Variants in SYN2 observed in about 807,000 individuals in gnomAD.
SYN2 encodes the protein synapsin-2.
Under a neutral mutation model 50.9 loss-of-function variants are expected in SYN2, and 19 were observed. The ratio of observed to expected loss-of-function variants is 0.37; its 90% CI spans 0.26 to 0.55. SYN2 has a LOEUF of 0.55. Among genes scored for constraint, SYN2 ranks in the 20% least tolerant of loss-of-function variants. The pLI, the probability that SYN2 is intolerant of heterozygous loss-of-function variation, is 0.81. For synonymous variants in SYN2, 255 were observed against 224.9 expected (o/e 1.13, Z -1.20); for missense variants, 587 against 576.4 (o/e 1.02, Z -0.19).
intron 7 of SYN2, among the ~76,000 whole-genome samples, chr3:12,163,701 C>T (rs890621054): frequency 6.6e-6 from 1 of 152,096 alleles, no homozygotes; most frequent in Non-Finnish European, 1.5e-5. Flanking sequence ...CCTTTATTGT[C>T]TAGATTTGTA....
intron 1 of SYN2, among the ~76,000 whole-genome samples, chr3:12,119,015 C>T (rs558534094): frequency 6.6e-6 from 1 of 152,174 alleles, no homozygotes; most frequent in Non-Finnish European, 1.5e-5. Context: ...TCTCACATCT[C>T]ATTTGCACTT....
At chr3:12,058,628 G>A (rs975243374) in intron 1 of SYN2, among the ~76,000 whole-genome samples, 1 of 152,220 alleles carries the variant, frequency 6.6e-6, no homozygotes, top group Non-Finnish European at 1.5e-5. Context: ...AATCACTGGG[G>A]AAGGGGAATA....
At chr3:12,154,228 T>C in intron 5 of SYN2, 2 of 1,544,134 alleles carry the variant, frequency 1.3e-6, no homozygotes, top group Middle Eastern at 1.7e-4. Context: ...ACAGTGCAGA[T>C]CTCAAGTATA....
At chr3:12,158,595 A>G in intron 5 of SYN2, 3 of 1,499,364 alleles carry the variant, frequency 2.0e-6, no homozygotes, top group Non-Finnish European at 2.7e-6. Flanking sequence ...ACAACCGGTA[A>G]GAATTTGAGC....
intron 1 of SYN2, among the ~76,000 whole-genome samples, chr3:12,050,074 T>C (rs532012849): frequency 6.6e-6 from 1 of 152,136 alleles, no homozygotes; most frequent in Non-Finnish European, 1.5e-5. Context: ...TAATTTTTTG[T>C]ATTTTTAGTA....
intron 7 of SYN2, among the ~76,000 whole-genome samples, chr3:12,165,943 A>G (rs1697777709): frequency 6.6e-6 from 1 of 152,194 alleles, no homozygotes; most frequent in Non-Finnish European, 1.5e-5. Flanking sequence ...GACTAGATAT[A>G]TAATCTCGGA....
At chr3:12,119,312 A>G (rs1696502007) in intron 1 of SYN2, among the ~76,000 whole-genome samples, 1 of 151,710 alleles carries the variant, frequency 6.6e-6, no homozygotes, top group Admixed American at 6.6e-5. Context: ...GTGAACATTC[A>G]GCTCTTTTGA....
intron 4 of SYN2, among the ~76,000 whole-genome samples, chr3:12,146,065 C>T (rs766751259): frequency 3.3e-5 from 5 of 152,234 alleles, no homozygotes; most frequent in Non-Finnish European, 7.3e-5. Context: ...CACAGCATCA[C>T]CTGTCACAGG....
At chr3:12,071,264 G>C in intron 1 of SYN2, 1 of 556,268 alleles carries the variant, frequency 1.8e-6, no homozygotes, top group Admixed American at 1.9e-5. Context: ...TGGATCTGCA[G>C]CTCCATCCTG....
At chr3:12,135,917 A>T (rs923860948) in intron 1 of SYN2, among the ~76,000 whole-genome samples, 7 of 152,246 alleles carry the variant, frequency 4.6e-5, no homozygotes, top group Non-Finnish European at 8.8e-5. Flanking sequence ...AGAGCATATA[A>T]TCAAACAATA....
chr3:12,050,664 G>A lies in SYN2; in HGVS notation c.377+45736G>A, dbSNP rs576426885. The stretch of plus-strand genomic sequence containing the variant: ...TAGCCTGGAGTGATTTTTTAGGTTT[G>A]TAGACTTGTAAAGATCTTTGGAATA... On this transcript the variant is annotated intron_variant, in intron 1 of 12. Coordinates refer to ENST00000621198, the MANE Select transcript of SYN2 (RefSeq NM_133625.6). 1.8e-4 allele frequency among the ~76,000 whole-genome samples: 20 copies of A among 112,906 alleles called. No homozygotes were observed. The South Asian group carries it at 6.9e-3, about 39-fold the overall frequency. 74.1% of individuals were successfully genotyped at this position (112,906 alleles called of 152,430 possible).
At chr3:12,056,894 T>C (rs1461306570) in intron 1 of SYN2, among the ~76,000 whole-genome samples, 1 of 152,150 alleles carries the variant, frequency 6.6e-6, no homozygotes, top group Non-Finnish European at 1.5e-5. Flanking sequence ...TATGGAAACA[T>C]GTATATTCTC....
In SYN2 at chr3:12,189,656, A is replaced by G. The variant is rs1698409841; in HGVS notation, c.1614-834A>G. On this transcript the variant is annotated intron_variant, in intron 12 of 12. Coordinates refer to ENST00000621198, the MANE Select transcript of SYN2 (RefSeq NM_133625.6). ...CATCTCTACTAAAAATACAAAAATT[A>G]GCTGGGCATGGTGGCAACCATCTGT... 2.0e-5 allele frequency among the ~76,000 whole-genome samples: 3 copies of G among 152,166 alleles called. No homozygotes were observed. In the South Asian group the frequency reaches 6.2e-4, roughly 32 times the overall value.
In SYN2 at chr3:12,062,036, G is replaced by A. The variant is rs572441599; in HGVS notation, c.377+57108G>A. ...AACAAGTTGATTCTGAAGTTTATAT[G>A]GAAAGCCTAGAAACCCAGAATAGCC... On this transcript the variant is annotated intron_variant, in intron 1 of 12. Transcript: ENST00000621198. Among the ~76,000 whole-genome samples the A allele has an allele frequency of 2.0e-3, 311 of 152,020 alleles. 1 individual carries two copies. Among genetic ancestry groups the A allele is most frequent in the African/African-American group, 6.4e-3 (265 of 41,520 alleles).
intron 1 of SYN2, among the ~76,000 whole-genome samples, chr3:12,069,835 CTCTT>C (rs550828902): frequency 2.1e-4 from 31 of 150,008 alleles, no homozygotes; most frequent in African/African-American, 5.9e-4. Flanking sequence ...GAGACAGAGT[CTCTT>C]TCTGTCTCCC....
At chr3:12,155,453 G>T (rs1050170246) in intron 5 of SYN2, among the ~76,000 whole-genome samples, 1 of 152,228 alleles carries the variant, frequency 6.6e-6, no homozygotes, top group African/African-American at 2.4e-5. Flanking sequence ...CAAACAGGTT[G>T]GGGGAAGGGC....
intron 1 of SYN2, among the ~76,000 whole-genome samples, chr3:12,050,531 A>G (rs539922781): frequency 1.3e-5 from 2 of 151,154 alleles, no homozygotes; most frequent in East Asian, 3.9e-4. Flanking sequence ...TTATTAGTAG[A>G]CATGGGGTTT....
At chr3:12,183,227 G>A (rs749345849) in intron 10 of SYN2, 85 bp from the exon 11 acceptor site, 7 of 1,509,730 alleles carry the variant, frequency 4.6e-6, no homozygotes, top group African/African-American at 1.4e-5. Flanking sequence ...ATTCCACTGC[G>A]GCCTTGCCAT....
At chr3:12,092,241 C>T (rs551672915) in intron 1 of SYN2, among the ~76,000 whole-genome samples, 4 of 152,228 alleles carry the variant, frequency 2.6e-5, no homozygotes, top group Non-Finnish European at 4.4e-5. Flanking sequence ...GAGCACCAAA[C>T]GTTCAAACTT....
Sources: gnomAD v4.1 joint callset for allele counts (sites outside exome capture counted in the v4.1 genomes callset) on GRCh38, gnomAD v4.1.1 for gene constraint, MANE v1.5 for transcripts, NCBI Gene and HGNC (gene_info 2026-07-23, HGNC 2026-07-21) for gene names.